The following MON2 variants were observed in gnomAD, a reference collection of about 807,000 sequenced individuals.
The protein encoded by MON2 is MON2 regulator of endosome-to-Golgi trafficking.
MON2 carries 84 observed loss-of-function variants against 208.6 expected under a neutral mutation model. The observed-to-expected ratio is 0.40, with a 90% confidence interval of 0.34 to 0.48. The LOEUF (loss-of-function observed/expected upper bound fraction) is 0.48, where lower values mean the gene tolerates loss of function less well. Among genes scored for constraint, MON2 ranks in the 20% least tolerant of loss-of-function variants. The pLI is 0.59. For missense variants in MON2, 1,611 were observed against 2,015.4 expected (o/e 0.80, Z 3.84); for synonymous variants, 660 against 694.0 (o/e 0.95, Z 0.77).
At chr12:62,557,487 T>C (rs2074012466) in intron 25 of MON2, among the ~76,000 whole-genome samples, 1 of 152,212 alleles carries the variant, frequency 6.6e-6, no homozygotes, top group South Asian at 2.1e-4. Context: ...GGACTAAGAC[T>C]GAGAAACCTG....
chr12:62,509,544 G>A (rs538218242), intron 8 of MON2, among the ~76,000 whole-genome samples: 70 of 152,292 alleles, frequency 4.6e-4, no homozygotes, highest in Middle Eastern at 6.8e-3. Flanking sequence ...AGAACAGTTG[G>A]ACCTAACAGA....
intron 22 of MON2, among the ~76,000 whole-genome samples, chr12:62,548,962 A>C (rs188002067): frequency 1.3e-5 from 2 of 152,210 alleles, no homozygotes; most frequent in East Asian, 3.9e-4. Flanking sequence ...TTTTTCAGTA[A>C]ATTGTGTGTA....
chr12:62,489,929 T>C, intron 2 of MON2: 2 of 509,874 alleles, frequency 3.9e-6, no homozygotes, highest in Non-Finnish European at 6.0e-6. Context: ...TCATAAGAAT[T>C]GAAGTTTATT....
intron 8 of MON2, among the ~76,000 whole-genome samples, chr12:62,509,854 TAGAG>T (rs1021996498): frequency 1.8e-4 from 26 of 147,240 alleles, no homozygotes; most frequent in African/African-American, 6.3e-4. Flanking sequence ...AGAAAAGCAA[TAGAG>T]AGAATCAATG....
chr12:62,600,362 T>C lies in MON2; in HGVS notation c.*7613T>C, dbSNP rs973305369. 2.0e-5 allele frequency: 3 copies of C among 152,244 alleles called. No homozygotes were observed. Among genetic ancestry groups the C allele is most frequent in the African/African-American group, 7.2e-5 (3 of 41,464 alleles). 9.4% of individuals were successfully genotyped at this position (152,244 alleles called of 1,614,324 possible). A position where few individuals can be genotyped will look rare whatever the true frequency, so the allele number is the denominator to read the frequency against. ...TGCTAATAACTGTGTCCTTGCTGTA[T>C]GACAGAAGCTATTTGGAGCGCTCTC... On this transcript the variant is annotated 3_prime_UTR_variant, in exon 35 of 35. Transcript: ENST00000393630.
intron 34 of MON2, among the ~76,000 whole-genome samples, chr12:62,589,521 T>G (rs2075325610): frequency 6.6e-6 from 1 of 152,128 alleles, no homozygotes; most frequent in Non-Finnish European, 1.5e-5. Flanking sequence ...ACACTTGTCT[T>G]TATTCAACCC....
At chr12:62,561,632 T>C (rs2074201784) in intron 26 of MON2, among the ~76,000 whole-genome samples, 1 of 152,134 alleles carries the variant, frequency 6.6e-6, no homozygotes, top group South Asian at 2.1e-4. Context: ...GATAAACAGA[T>C]CTAAAATTAT....
intron 20 of MON2, among the ~76,000 whole-genome samples, chr12:62,543,693 C>T (rs1702869198): frequency 6.6e-6 from 1 of 152,076 alleles, no homozygotes; most frequent in Non-Finnish European, 1.5e-5. Flanking sequence ...CTGCAACCGC[C>T]GCCTCTCAGG....
rs541146102 is a variant in MON2, at chr12:62,580,552, A to G, written c.4699+132A>G. The G allele has an allele frequency of 2.7e-4, 187 of 691,236 alleles. 3 individuals carry two copies. The South Asian group carries it at 3.8e-3, about 14-fold the overall frequency. The allele number at this position is 691,236 out of a possible 1,614,324, so 42.8% of individuals were successfully genotyped here. On this transcript the variant is annotated intron_variant, in intron 32 of 34. Coordinates refer to ENST00000393630, the MANE Select transcript of MON2 (RefSeq NM_015026.3). ...AAGGTGATTTTTAGGATTGTAATAT[A>G]GAACTAAGCTTTATGAGGAGAAATG...
At chr12:62,550,619 G>A (rs1363678226) in intron 23 of MON2, among the ~76,000 whole-genome samples, 2 of 152,182 alleles carry the variant, frequency 1.3e-5, no homozygotes, top group East Asian at 1.9e-4. Flanking sequence ...AGCTAGATCT[G>A]GATAACTTGC....
chr12:62,576,252 A>G (rs2074776623), intron 30 of MON2, among the ~76,000 whole-genome samples: 1 of 152,080 alleles, frequency 6.6e-6, no homozygotes, highest in Admixed American at 6.6e-5. Context: ...TTTATGGGAT[A>G]TATCCAGAGT....
At chr12:62,543,022 T>G (rs532298022) in intron 19 of MON2, 75 bp from the exon 20 acceptor site, 76 of 755,502 alleles carry the variant, frequency 1.0e-4, no homozygotes, top group Middle Eastern at 2.3e-4. Flanking sequence ...CTTCAGAGTA[T>G]TCTCAGTTTT....
chr12:62,505,174 C>T (rs767575710), intron 7 of MON2, among the ~76,000 whole-genome samples: 4 of 152,118 alleles, frequency 2.6e-5, no homozygotes, highest in East Asian at 1.9e-4. Context: ...GAACAGTGAA[C>T]CATTTGCTAA....
At chr12:62,592,449 T>G in intron 34 of MON2, 137 bp from the exon 35 acceptor site, 2 of 653,148 alleles carry the variant, frequency 3.1e-6, no homozygotes, top group Non-Finnish European at 4.6e-6. Flanking sequence ...ATTAAAAAGA[T>G]AAAAAGATAC....
intron 2 of MON2, among the ~76,000 whole-genome samples, chr12:62,486,750 A>G (rs888841048): frequency 2.0e-5 from 3 of 152,126 alleles, no homozygotes; most frequent in Non-Finnish European, 2.9e-5. Flanking sequence ...TCTTTATGGT[A>G]CTTGAGACTA....
chr12:62,581,765 G>A (rs2136460510), intron 32 of MON2, among the ~76,000 whole-genome samples: 1 of 152,196 alleles, frequency 6.6e-6, no homozygotes, highest in Non-Finnish European at 1.5e-5. Flanking sequence ...GGGAAGCGGA[G>A]GTTGCAGTGA....
At chr12:62,490,194 C>G in intron 2 of MON2, 1 of 147,506 alleles carries the variant, frequency 6.8e-6, no homozygotes, top group Non-Finnish European at 1.3e-5. Flanking sequence ...CAGTGTTACT[C>G]TATTAAAGAG....
chr12:62,560,212 T>C (rs762348825), intron 25 of MON2: 43 of 268,888 alleles, frequency 1.6e-4, no homozygotes, highest in Non-Finnish European at 2.6e-4. Context: ...ACTCGTCACC[T>C]ACCTGAGTTT....
intron 23 of MON2, among the ~76,000 whole-genome samples, chr12:62,551,925 G>A (rs369001592): frequency 6.6e-6 from 1 of 152,074 alleles, no homozygotes; most frequent in African/African-American, 2.4e-5. Flanking sequence ...CTTAATATTT[G>A]TGGCTTCTGC....
Sources: gnomAD v4.1 joint callset for allele counts (sites outside exome capture counted in the v4.1 genomes callset) on GRCh38, gnomAD v4.1.1 for gene constraint, MANE v1.5 for transcripts, NCBI Gene and HGNC (gene_info 2026-07-23, HGNC 2026-07-21) for gene names.